Variants in TGFBRAP1 observed in about 807,000 individuals in gnomAD.
TGFBRAP1 encodes the protein transforming growth factor beta receptor associated protein 1, also known as transforming growth factor-beta receptor-associated protein 1.
Under a neutral mutation model 83.2 loss-of-function variants are expected in TGFBRAP1, and 20 were observed. The ratio of observed to expected loss-of-function variants is 0.24; its 90% CI spans 0.17 to 0.35. The LOEUF (loss-of-function observed/expected upper bound fraction) is 0.35, where lower values mean the gene tolerates loss of function less well. TGFBRAP1 is among the 10% of genes least tolerant of loss of function. The probability of loss-of-function intolerance (pLI) is 1.00; values close to 1 mark genes in which losing one functional copy is unlikely to be tolerated. For missense variants in TGFBRAP1, 950 were observed against 1,099.4 expected (o/e 0.86, Z 1.92); for synonymous variants, 415 against 459.8 (o/e 0.90, Z 1.25).
chr2:105,283,270 A>C (rs1444611015), intron 5 of TGFBRAP1, among the ~76,000 whole-genome samples: 3 of 152,214 alleles, frequency 2.0e-5, no homozygotes, highest in African/African-American at 7.2e-5. Context: ...CTTTACTTAG[A>C]AATCCATTCT....
rs774707242 is a variant in TGFBRAP1 at position 105,266,037 on chromosome 2, C to T, written c.*1346G>A. ...GTGGGTAGACTGCCTTTATTGTTAG[C>T]CCCTAATAGAATCAGTCAGCACAAT... is the stretch of plus-strand genomic sequence containing the variant. On this transcript the variant is annotated 3_prime_UTR_variant, in exon 12 of 12. Coordinates refer to ENST00000393359, the MANE Select transcript of TGFBRAP1 (RefSeq NM_004257.6). 15 of 152,202 alleles carry T rather than the reference C, an allele frequency of 9.9e-5. No homozygotes were observed. The highest frequency in any genetic ancestry group is 1.6e-4 in the Non-Finnish European group (11 of 68,050). The allele number at this position is 152,202 out of a possible 1,614,324, so 9.4% of individuals were successfully genotyped here.
At chr2:105,315,889 T>C (rs998930819) in intron 1 of TGFBRAP1, among the ~76,000 whole-genome samples, 4 of 152,170 alleles carry the variant, frequency 2.6e-5, no homozygotes, top group African/African-American at 9.7e-5. Context: ...AAGACCTGTA[T>C]AAGATATGAG....
intron 10 of TGFBRAP1, among the ~76,000 whole-genome samples, chr2:105,271,107 G>A (rs894540707): frequency 2.0e-5 from 3 of 152,182 alleles, no homozygotes; most frequent in Non-Finnish European, 2.9e-5. Context: ...GGCCTCTTCC[G>A]GGAGGCTGCC....
At chr2:105,302,738 T>C (rs1678343686) in intron 2 of TGFBRAP1, among the ~76,000 whole-genome samples, 1 of 152,200 alleles carries the variant, frequency 6.6e-6, no homozygotes, top group Admixed American at 6.5e-5. Flanking sequence ...CCGTCTGTCT[T>C]GGAACTTTGT....
the TGFBRAP1 span, among the ~76,000 whole-genome samples, chr2:105,258,970 G>T: frequency 6.6e-6 from 1 of 152,226 alleles, no homozygotes. Context: ...ATCGAGCACA[G>T]ATGGGAAACT....
Position 105,269,316 on chromosome 2 carries a change from G to T in TGFBRAP1, c.2362C>A (p.Leu788Ile). ...AAGTTTTCGGACCTGGCCAGGCCGA[G>T]AGCCACCTGCATGGTCCTCCTGGCA... ...IHARRTMQVA[L>I]GLARSENLIY... The change falls in exon 11 of 12, where the codon CTC becomes ATC. Residue 788 changes from leucine (L) to isoleucine (I), a missense_variant. Leu to Ile is a conservative substitution (Grantham distance 5). Coordinates refer to ENST00000393359, the MANE Select transcript of TGFBRAP1 (RefSeq NM_004257.6). This position sits in a 1 kb window ranked among gnomAD's most constrained non-coding sequence, Gnocchi z 4.1. The T allele has an allele frequency of 6.2e-7, 1 of 1,612,426 alleles. No individual in the cohort carries two copies. The highest frequency in any genetic ancestry group is 1.1e-5 in the South Asian group (1 of 90,928).
At chr2:105,275,884 G>A (rs1407213170) in intron 7 of TGFBRAP1, among the ~76,000 whole-genome samples, 181 bp from the exon 8 acceptor site, 2 of 151,682 alleles carry the variant, frequency 1.3e-5, no homozygotes, top group South Asian at 2.1e-4. Context: ...ATAAAGAAAT[G>A]TAAAAAGACA....
intron 2 of TGFBRAP1, among the ~76,000 whole-genome samples, chr2:105,306,353 C>T (rs752023527): frequency 6.6e-6 from 1 of 152,042 alleles, no homozygotes; most frequent in Non-Finnish European, 1.5e-5. Flanking sequence ...TGAGCCACTG[C>T]GCCCAGCCCA....
chr2:105,272,781 C>T (rs1294735516), intron 10 of TGFBRAP1, 74 bp downstream of exon 10: 5 of 1,573,758 alleles, frequency 3.2e-6, no homozygotes, highest in Non-Finnish European at 4.3e-6. Context: ...GTGCCAAAGC[C>T]CTTCTCTCTG....
Position 105,267,033 on chromosome 2 carries a change from A to C in TGFBRAP1, c.*350T>G. ...GGTTGGAGTGTGGGGGTGGTGGGGG[A>C]TCCCCCACCTGGGTCTGGACTGCAT... On this transcript the variant is annotated 3_prime_UTR_variant, in exon 12 of 12. Transcript: ENST00000393359. 2 of 178,368 alleles carry C rather than the reference A, an allele frequency of 1.1e-5. No homozygotes were observed. The highest frequency in any genetic ancestry group is 2.3e-5 in the Non-Finnish European group (2 of 85,626). The allele number at this position is 178,368 out of a possible 1,614,324, so 11.0% of individuals were successfully genotyped here. A position where few individuals can be genotyped will look rare whatever the true frequency, so the allele number is the denominator to read the frequency against.
intron 8 of TGFBRAP1, among the ~76,000 whole-genome samples, chr2:105,275,102 GT>G (rs1677291160): frequency 6.6e-6 from 1 of 152,176 alleles, no homozygotes; most frequent in South Asian, 2.1e-4. Context: ...CAAGCTCCAT[GT>G]TGGCAGTGGT....
chr2:105,296,527 C>A lies in TGFBRAP1; in HGVS notation c.884-17G>T, dbSNP rs1182779984. 6.2e-7 allele frequency: 1 copy of A among 1,601,208 alleles called. No individual in the cohort carries two copies. Among genetic ancestry groups the A allele is most frequent in the Non-Finnish European group, 8.5e-7 (1 of 1,174,978 alleles). ...TCACTCTTCCTGTGAAGAAATTCAG[C>A]ATTGTTGGAAAGAGAAAAAACACAC... On this transcript the variant is annotated splice_polypyrimidine_tract_variant and intron_variant, in intron 3 of 11. Coordinates refer to ENST00000393359, the MANE Select transcript of TGFBRAP1 (RefSeq NM_004257.6).
At chr2:105,294,307 G>GGGGTGTGTGTGT (rs1553404589) in intron 4 of TGFBRAP1, among the ~76,000 whole-genome samples, 1 of 147,894 alleles carries the variant, frequency 6.8e-6, no homozygotes, top group African/African-American at 2.5e-5. Context: ...TAGGAGTGAG[G>GGGGTGTGTGTGT]GTGTGTGTGT....
intron 1 of TGFBRAP1, among the ~76,000 whole-genome samples, chr2:105,311,497 G>T (rs1678692234): frequency 6.6e-6 from 1 of 151,892 alleles, no homozygotes; most frequent in Admixed American, 6.6e-5. Context: ...AGGTAGGAGG[G>T]TTGCTTGAGC....
chr2:105,274,389 G>A (rs1039949074), intron 8 of TGFBRAP1, among the ~76,000 whole-genome samples: 1 of 152,184 alleles, frequency 6.6e-6, no homozygotes, highest in African/African-American at 2.4e-5. Flanking sequence ...CCCCCTCCAA[G>A]GCCAATACAT....
chr2:105,280,180 G>A (rs542760918), intron 6 of TGFBRAP1, among the ~76,000 whole-genome samples: 1 of 152,158 alleles, frequency 6.6e-6, no homozygotes, highest in African/African-American at 2.4e-5. Flanking sequence ...CCTTCAAGGG[G>A]TCTGCAGATG....
chr2:105,259,761 A>AATC (rs1464442174), downstream of TGFBRAP1, among the ~76,000 whole-genome samples: 1 of 152,122 alleles, frequency 6.6e-6, no homozygotes, highest in African/African-American at 2.4e-5. Flanking sequence ...TCTCGTTCTG[A>AATC]ATCAGCTTTA....
intron 1 of TGFBRAP1, among the ~76,000 whole-genome samples, chr2:105,328,272 T>C (rs75879401): frequency 0.04 from 6,116 of 152,242 alleles, 137 homozygotes; most frequent in Middle Eastern, 0.075. Context: ...TCCCATTTCA[T>C]AGATGACCTG....
the TGFBRAP1 span, among the ~76,000 whole-genome samples, chr2:105,255,562 C>G: frequency 7.1e-6 from 1 of 140,072 alleles, no homozygotes; most frequent in Non-Finnish European, 1.7e-5. Context: ...CTCAAGCGGT[C>G]CTCCTCCCTT....
Sources: gnomAD v4.1 joint callset for allele counts (sites outside exome capture counted in the v4.1 genomes callset) on GRCh38, gnomAD v4.1.1 for gene constraint, Gnocchi (gnomAD v3.1) non-coding constraint, MANE v1.5 for transcripts, NCBI Gene and HGNC (gene_info 2026-07-23, HGNC 2026-07-21) for gene names.